Variants in DENND1B observed in about 807,000 individuals in gnomAD.
The protein encoded by DENND1B is DENN domain containing 1B, also known as DENN domain-containing protein 1B.
A neutral mutation model predicts 90.1 loss-of-function variants in DENND1B; 59 were observed. The ratio of observed to expected loss-of-function variants is 0.65; its 90% CI spans 0.53 to 0.81. The LOEUF is 0.81. DENND1B is among the 40% of genes least tolerant of loss of function. The probability of loss-of-function intolerance (pLI) is 0.00; values close to 1 mark genes in which losing one functional copy is unlikely to be tolerated. For missense variants in DENND1B, 862 were observed against 912.6 expected, an observed-to-expected ratio of 0.94 and a Z score of 0.71; for synonymous variants, 337 against 324.6, an observed-to-expected ratio of 1.04 and a Z score of -0.41.
Position 197,662,732 on chromosome 1 carries a change from A to T in DENND1B, c.297-4363T>A, listed in dbSNP as rs377169630. On this transcript the variant is annotated intron_variant, in intron 5 of 22. Coordinates refer to ENST00000620048, the MANE Select transcript of DENND1B (RefSeq NM_001195215.2). ...AGTGAGCCTTTTAATAAACATGTTC[A>T]ATGACCAGGCATTTCAGGCAGCTAA... Among the ~76,000 whole-genome samples, 20 of 152,156 alleles carry T rather than the reference A, an allele frequency of 1.3e-4. No homozygotes were observed. The East Asian group carries it at 3.1e-3, about 23-fold the overall frequency.
At chr1:197,623,400 T>C (rs1447650807) in intron 10 of DENND1B, among the ~76,000 whole-genome samples, 1 of 151,442 alleles carries the variant, frequency 6.6e-6, no homozygotes, top group African/African-American at 2.4e-5. Context: ...TATATTCACA[T>C]TTTAAAGTTC....
intron 3 of DENND1B, among the ~76,000 whole-genome samples, chr1:197,706,929 T>C (rs1326564171): frequency 6.6e-6 from 1 of 152,176 alleles, no homozygotes; most frequent in East Asian, 1.9e-4. Flanking sequence ...CTACTGGGTA[T>C]ATATCCAAAC....
intron 22 of DENND1B, 25 bp downstream of exon 22, chr1:197,511,703 T>C: frequency 5.2e-6 from 8 of 1,548,496 alleles, no homozygotes; most frequent in Non-Finnish European, 7.0e-6. Context: ...CTTCTAATTT[T>C]ATAAGTAAAA....
chr1:197,771,752 C>G (rs1345325583), intron 2 of DENND1B, among the ~76,000 whole-genome samples: 1 of 152,174 alleles, frequency 6.6e-6, no homozygotes, highest in African/African-American at 2.4e-5. Context: ...TCAGTCTCCA[C>G]GAAACCCCTA....
upstream of DENND1B, among the ~76,000 whole-genome samples, chr1:197,777,065 T>C (rs1220957350): frequency 6.6e-6 from 1 of 152,086 alleles, no homozygotes; most frequent in Non-Finnish European, 1.5e-5. Flanking sequence ...CAAATAAAGA[T>C]TTTTCTGCAT....
At chr1:197,667,925 T>G (rs990698784) in intron 5 of DENND1B, among the ~76,000 whole-genome samples, 3 of 152,082 alleles carry the variant, frequency 2.0e-5, no homozygotes, top group Non-Finnish European at 4.4e-5. Flanking sequence ...CAGGAAAAAA[T>G]TGAAATGATT....
chr1:197,624,484 G>A (rs1481313906), intron 10 of DENND1B, among the ~76,000 whole-genome samples: 1 of 151,580 alleles, frequency 6.6e-6, no homozygotes, highest in African/African-American at 2.4e-5. Flanking sequence ...GATAATACAG[G>A]AGAAAATCTA....
intron 2 of DENND1B, chr1:197,747,429 G>T: frequency 4.9e-6 from 2 of 411,754 alleles, no homozygotes; most frequent in East Asian, 1.1e-4. Context: ...ATTTAGGCCA[G>T]GAGGTAGCAG....
intron 12 of DENND1B, among the ~76,000 whole-genome samples, chr1:197,608,111 T>G (rs1676857909): frequency 6.6e-6 from 1 of 150,666 alleles, no homozygotes; most frequent in Non-Finnish European, 1.5e-5. Context: ...AATAGTCATT[T>G]TTGAAAACTG....
chr1:197,562,885 GC>G (rs1328127851), intron 15 of DENND1B, among the ~76,000 whole-genome samples: 2 of 151,934 alleles, frequency 1.3e-5, no homozygotes, highest in Non-Finnish European at 2.9e-5. Context: ...AGGTGAAACA[GC>G]CTTATTGCTG....
Position 197,595,252 on chromosome 1 carries a change from C to G in DENND1B, c.1003G>C (p.Ala335Pro), listed in dbSNP as rs201071193. 1.3e-5 allele frequency: 21 copies of G among 1,613,190 alleles called. No individual in the cohort carries two copies. Among genetic ancestry groups the G allele is most frequent in the Admixed American group, 5.0e-5 (3 of 59,968 alleles). Residue 335 changes from alanine (A) to proline (P), a missense_variant, in exon 14 of 23, where the codon GCT (alanine) becomes CCT (proline). By Grantham distance (27) the Ala-to-Pro change is conservative. Coordinates refer to ENST00000620048, the MANE Select transcript of DENND1B (RefSeq NM_001195215.2). The part of the protein sequence containing the change: ...GVARAFLRAQ[A>P]ALFGSYRDAL... ...TCTCTGTAGGATCCAAACAAAGCAG[C>G]CTGTGCTCTAAGAAAGGCCCTAGCT...
intron 20 of DENND1B, among the ~76,000 whole-genome samples, chr1:197,530,181 A>G (rs1214109622): frequency 2.0e-5 from 3 of 152,244 alleles, no homozygotes; most frequent in Non-Finnish European, 4.4e-5. Flanking sequence ...AATAATGGAA[A>G]ACAGGTTTAA....
intron 10 of DENND1B, among the ~76,000 whole-genome samples, chr1:197,623,971 G>T (rs1678409863): frequency 2.0e-5 from 3 of 151,508 alleles, no homozygotes; most frequent in African/African-American, 7.3e-5. Context: ...TCATGGGTAG[G>T]AAGACTCAAT....
intron 15 of DENND1B, among the ~76,000 whole-genome samples, chr1:197,555,517 A>G (rs1056526950): frequency 7.9e-5 from 12 of 152,160 alleles, no homozygotes; most frequent in African/African-American, 2.2e-4. Flanking sequence ...CAAGAAAAAA[A>G]CAAGTAACTC....
intron 19 of DENND1B, among the ~76,000 whole-genome samples, 190 bp downstream of exon 19, chr1:197,540,767 AAG>A (rs2125655597): frequency 6.6e-6 from 1 of 152,302 alleles, no homozygotes; most frequent in East Asian, 1.9e-4. Flanking sequence ...TCAAACAGTA[AAG>A]AGATTATTCA....
chr1:197,536,169 TG>T (rs1300734206), intron 20 of DENND1B, among the ~76,000 whole-genome samples: 1 of 132,090 alleles, frequency 7.6e-6, no homozygotes, highest in South Asian at 2.5e-4. Flanking sequence ...ATAGATGAGA[TG>T]AGATGAGATG....
intron 7 of DENND1B, among the ~76,000 whole-genome samples, chr1:197,651,823 T>C (rs1203015853): frequency 6.6e-6 from 1 of 151,236 alleles, no homozygotes; most frequent in Admixed American, 6.6e-5. Flanking sequence ...GCCCGGCTAA[T>C]TTTTTGTATT....
intron 10 of DENND1B, among the ~76,000 whole-genome samples, chr1:197,627,517 T>C (rs149050725): frequency 0.024 from 3,687 of 152,240 alleles, 152 homozygotes; most frequent in African/African-American, 0.084. Flanking sequence ...TAGGTATTGA[T>C]GGGACATATC....
chr1:197,642,879 C>T (rs1680391390), intron 9 of DENND1B, 58 bp from the exon 10 acceptor site: 1 of 1,147,516 alleles, frequency 8.7e-7, no homozygotes, highest in South Asian at 1.4e-5. Flanking sequence ...TGAAGAAAAA[C>T]ATTTTACACA....
Sources: allele counts gnomAD v4.1 joint callset (sites outside exome capture counted in the v4.1 genomes callset), GRCh38; gene constraint gnomAD v4.1.1; transcripts MANE v1.5; gene names NCBI Gene and HGNC (gene_info 2026-07-23, HGNC 2026-07-21).